The following CACNG4 variants were observed in gnomAD, a reference collection of about 807,000 sequenced individuals.
CACNG4 encodes voltage-dependent calcium channel gamma-4 subunit.
CACNG4 carries 8 observed loss-of-function variants against 22.9 expected under a neutral mutation model. The ratio of observed to expected loss-of-function variants is 0.35; its 90% CI spans 0.21 to 0.63. CACNG4 has a LOEUF of 0.63. CACNG4 is among the 30% of genes least tolerant of loss of function. CACNG4 has a pLI of 0.72. For missense variants in CACNG4, 357 were observed against 455.4 expected, an observed-to-expected ratio of 0.78 and a Z score of 1.97; for synonymous variants, 188 against 191.9, an observed-to-expected ratio of 0.98 and a Z score of 0.17.
intron 2 of CACNG4, among the ~76,000 whole-genome samples, chr17:67,024,313 C>G (rs2035550201): frequency 6.6e-6 from 1 of 152,224 alleles, no homozygotes; most frequent in Non-Finnish European, 1.5e-5. Flanking sequence ...TATGAGGAAC[C>G]TCATTCCACA....
Position 66,965,143 on chromosome 17 carries a change from C to T in CACNG4, c.220+12C>T. Reference sequence around the variant, plus strand: ...GTGCTGCATCGAAGGTACGGCCAGCCCCGACCCCTCGCCGCCCCACACACA... The same window carrying T: ...GTGCTGCATCGAAGGTACGGCCAGCTCCGACCCCTCGCCGCCCCACACACA... On this transcript the variant is annotated intron_variant, in intron 1 of 3. Coordinates refer to ENST00000262138, the MANE Select transcript of CACNG4 (RefSeq NM_014405.4). 1 of 1,528,582 alleles carries T rather than the reference C, an allele frequency of 6.5e-7. No individual in the cohort carries two copies. The highest frequency in any genetic ancestry group is 8.8e-7 in the Non-Finnish European group (1 of 1,134,128). The allele number at this position is 1,528,582 out of a possible 1,614,324, so 94.7% of individuals were successfully genotyped here. A position where few individuals can be genotyped will look rare whatever the true frequency, so the allele number is the denominator to read the frequency against.
intron 1 of CACNG4, among the ~76,000 whole-genome samples, chr17:67,000,988 A>G (rs915564934): frequency 7.2e-5 from 11 of 151,728 alleles, no homozygotes; most frequent in African/African-American, 2.7e-4. Context: ...CCCAAATCTC[A>G]TCTTGAATTG....
At chr17:67,018,336 G>A (rs1228094450) in intron 2 of CACNG4, 64 bp downstream of exon 2, 47 of 1,232,452 alleles carry the variant, frequency 3.8e-5, no homozygotes, top group Admixed American at 6.8e-5. Flanking sequence ...GAAGGCGGCC[G>A]GAGGAAAGAG....
chr17:67,030,434 GC>G lies in CACNG4; in HGVS notation c.446-28del. On this transcript the variant is annotated intron_variant, in intron 3 of 3. Transcript: ENST00000262138. This position sits in a 1 kb window ranked among gnomAD's most constrained non-coding sequence, Gnocchi z 6.4. The stretch of plus-strand genomic sequence containing the variant: ...TAACCTCTGCCTCTCTCCCTCCCTG[GC>G]CCCGCTCCCCGCTCCCCGCTTCCCT... 6.2e-7 allele frequency: 1 copy of G among 1,602,214 alleles called. No homozygotes were observed. The highest frequency in any genetic ancestry group is 1.1e-5 in the South Asian group (1 of 89,438).
At chr17:66,969,448 G>A (rs1225099170) in intron 1 of CACNG4, among the ~76,000 whole-genome samples, 1 of 152,246 alleles carries the variant, frequency 6.6e-6, no homozygotes, top group African/African-American at 2.4e-5. Flanking sequence ...CACCTGTTTT[G>A]TGCCAGCTCT....
At chr17:66,976,546 A>C (rs1377233269) in intron 1 of CACNG4, among the ~76,000 whole-genome samples, 6 of 133,818 alleles carry the variant, frequency 4.5e-5, no homozygotes, top group African/African-American at 1.7e-4. Context: ...TCCTCTCTTT[A>C]TTCTTTCTTC....
chr17:66,971,488 A>G (rs944023492), intron 1 of CACNG4, among the ~76,000 whole-genome samples: 1 of 152,234 alleles, frequency 6.6e-6, no homozygotes, highest in African/African-American at 2.4e-5. Flanking sequence ...TCACAGCTGC[A>G]GAAAGGACAG....
chr17:66,988,053 G>GTA (rs1281622247), intron 1 of CACNG4, among the ~76,000 whole-genome samples: 7 of 127,946 alleles, frequency 5.5e-5, no homozygotes, highest in South Asian at 2.1e-4. Flanking sequence ...GTGTGTGTGT[G>GTA]TATATATATA....
At chr17:67,026,110 G>A (rs184235446) in intron 3 of CACNG4, among the ~76,000 whole-genome samples, 5 of 149,638 alleles carry the variant, frequency 3.3e-5, no homozygotes, top group East Asian at 3.9e-4. Flanking sequence ...AAGAGTGTGG[G>A]ATGTGTGTGT....
intron 2 of CACNG4, among the ~76,000 whole-genome samples, chr17:67,022,625 AGAG>A (rs1184117871): frequency 8.5e-5 from 13 of 152,256 alleles, no homozygotes; most frequent in African/African-American, 2.4e-5. Flanking sequence ...CCCTGCCTTC[AGAG>A]GAGAGGCTGA....
intron 1 of CACNG4, among the ~76,000 whole-genome samples, chr17:66,976,082 G>A (rs80205248): frequency 0.025 from 3,789 of 152,234 alleles, 53 homozygotes; most frequent in Middle Eastern, 0.068. Flanking sequence ...GTCACTTACC[G>A]ACACCTGCCG....
rs118099058 is a variant in CACNG4 at position 66,994,059 on chromosome 17, G to A, written c.221-24130G>A. On this transcript the variant is annotated intron_variant, in intron 1 of 3. Transcript: ENST00000262138. ...CATTTTTTTAAGAGACCAGAGGTGC[G>A]GTGGCTCACAGCTATAATTTCAGCA... Among the ~76,000 whole-genome samples, 423 of 151,846 alleles carry A rather than the reference G, an allele frequency of 2.8e-3. 4 individuals are homozygous for A. In the East Asian group the frequency reaches 0.056, roughly 20 times the overall value.
chr17:66,985,922 A>G (rs186543164), intron 1 of CACNG4, among the ~76,000 whole-genome samples: 1 of 151,886 alleles, frequency 6.6e-6, no homozygotes, highest in Non-Finnish European at 1.5e-5. Flanking sequence ...AGGAAGATGA[A>G]CACAAGTTTG....
intron 1 of CACNG4, among the ~76,000 whole-genome samples, chr17:67,006,563 T>A (rs2035439243): frequency 6.6e-6 from 1 of 152,194 alleles, no homozygotes; most frequent in Non-Finnish European, 1.5e-5. Flanking sequence ...TTACTCTGTG[T>A]GAACCCCAGC....
At chr17:67,024,658 G>C (rs931768169) in intron 2 of CACNG4, among the ~76,000 whole-genome samples, 1 of 152,214 alleles carries the variant, frequency 6.6e-6, no homozygotes, top group Non-Finnish European at 1.5e-5. Context: ...GGGCAGGCCC[G>C]GAGCCCCCAC....
intron 1 of CACNG4, among the ~76,000 whole-genome samples, chr17:66,978,986 T>C (rs1229988906): frequency 6.6e-6 from 1 of 152,148 alleles, no homozygotes; most frequent in African/African-American, 2.4e-5. Flanking sequence ...CTGGGGGAGT[T>C]CCCTGCTGGC....
Position 67,030,074 on chromosome 17 carries a change from T to C in CACNG4, c.446-392T>C, listed in dbSNP as rs1238688512. On this transcript the variant is annotated intron_variant, in intron 3 of 3. Coordinates refer to ENST00000262138, the MANE Select transcript of CACNG4 (RefSeq NM_014405.4). The surrounding 1 kb of genome is among the most constrained non-coding windows in gnomAD (Gnocchi z 6.4). ...AAGACAGGGATGGCTCTCCATGTTC[T>C]GATTCAGAACCGTCTCTCAGATGTA... Among the ~76,000 whole-genome samples, 2 of 152,214 alleles carry C rather than the reference T, an allele frequency of 1.3e-5. No individual in the cohort carries two copies. The highest frequency in any genetic ancestry group is 2.9e-5 in the Non-Finnish European group (2 of 68,034).
chr17:66,973,993 A>C lies in CACNG4; in HGVS notation c.220+8862A>C, dbSNP rs149318424. On this transcript the variant is annotated intron_variant, in intron 1 of 3. Transcript: ENST00000262138. ...CTAGCATTATCAACTTCTTCCAATG[A>C]AAAACTTTTCAAAGCTGTGAAAATG... Among the ~76,000 whole-genome samples the C allele has an allele frequency of 1.4e-4, 22 of 152,342 alleles. No individual in the cohort carries two copies. The East Asian group carries it at 4.0e-3, about 28-fold the overall frequency.
intron 1 of CACNG4, among the ~76,000 whole-genome samples, chr17:66,976,040 G>A (rs140422351): frequency 5.9e-5 from 9 of 152,302 alleles, no homozygotes; most frequent in Non-Finnish European, 7.4e-5. Context: ...GACAGCGCTC[G>A]TGGGGGTTGT....
Sources: allele counts gnomAD v4.1 joint callset (sites outside exome capture counted in the v4.1 genomes callset), GRCh38; gene constraint gnomAD v4.1.1; non-coding constraint Gnocchi (gnomAD v3.1); transcripts MANE v1.5; gene names NCBI Gene and HGNC (gene_info 2026-07-23, HGNC 2026-07-21).